The following PHACTR1 variants were observed in gnomAD, a reference collection of about 807,000 sequenced individuals.
PHACTR1 encodes RPEL repeat containing 1.
A neutral mutation model predicts 69.2 loss-of-function variants in PHACTR1; 16 were observed. The ratio of observed to expected loss-of-function variants is 0.23; its 90% confidence interval spans 0.16 to 0.35. The LOEUF (loss-of-function observed/expected upper bound fraction) is 0.35. PHACTR1 is among the 10% of genes least tolerant of loss of function. PHACTR1 has a pLI of 1.00. For missense variants in PHACTR1, 510 were observed against 734.7 expected (o/e 0.69, Z 3.54); for synonymous variants, 312 against 284.5 (o/e 1.10, Z -0.97).
intron 6 of PHACTR1, among the ~76,000 whole-genome samples, chr6:13,164,095 G>T (rs750673575): frequency 6.6e-6 from 1 of 151,654 alleles, no homozygotes; most frequent in East Asian, 1.9e-4. Context: ...AATGGCCTTC[G>T]TGTCAGTGTC....
rs975856762 is a variant in PHACTR1, at chr6:12,856,325, C to T, written c.250+106535C>T. ...CTGGAGTGCAGTGGCGCGATCTCGG[C>T]TTACTGCAAGCTCCGCCTCCCAGGC... On this transcript the variant is annotated intron_variant, in intron 4 of 14. Coordinates refer to ENST00000332995, the MANE Select transcript of PHACTR1 (RefSeq NM_030948.6). 1.5e-4 allele frequency among the ~76,000 whole-genome samples: 22 copies of T among 148,616 alleles called. No homozygotes were observed. In the East Asian group the frequency reaches 4.4e-3, roughly 29 times the overall value.
chr6:12,805,609 T>G (rs1774222593), intron 4 of PHACTR1, among the ~76,000 whole-genome samples: 2 of 151,830 alleles, frequency 1.3e-5, no homozygotes, highest in African/African-American at 4.8e-5. Flanking sequence ...CTTTCTTTCT[T>G]TCTTTTTTTT....
chr6:13,150,675 A>G (rs1824168276), intron 5 of PHACTR1, among the ~76,000 whole-genome samples: 1 of 152,042 alleles, frequency 6.6e-6, no homozygotes, highest in Non-Finnish European at 1.5e-5. Context: ...TTATTTTCTC[A>G]TTAACTTCCT....
chr6:13,158,497 A>G (rs1448246493), intron 5 of PHACTR1, among the ~76,000 whole-genome samples: 2 of 152,192 alleles, frequency 1.3e-5, no homozygotes, highest in Admixed American at 1.3e-4. Context: ...TTCTAACCTA[A>G]CATTTATTTT....
intron 4 of PHACTR1, among the ~76,000 whole-genome samples, chr6:12,765,045 G>T (rs1460797116): frequency 1.3e-5 from 2 of 152,164 alleles, no homozygotes; most frequent in Non-Finnish European, 2.9e-5. Flanking sequence ...TCATATTTCA[G>T]AGTTATTAGA....
At chr6:13,284,565 T>TAG (rs1486231778) in intron 13 of PHACTR1, among the ~76,000 whole-genome samples, 7 of 111,700 alleles carry the variant, frequency 6.3e-5, no homozygotes, top group African/African-American at 1.8e-4. Flanking sequence ...TATATATATA[T>TAG]ATATAGATAC....
chr6:13,273,035 C>A, intron 11 of PHACTR1, 120 bp downstream of exon 11: 1 of 1,406,588 alleles, frequency 7.1e-7, no homozygotes, highest in Non-Finnish European at 9.7e-7. Context: ...ACCTTTCTAA[C>A]GGTTGAAGCT....
chr6:13,278,239 TA>T (rs773641490), intron 11 of PHACTR1, 28 bp from the exon 12 acceptor site: 7 of 1,557,028 alleles, frequency 4.5e-6, no homozygotes, highest in African/African-American at 2.7e-5. Flanking sequence ...TTTACTGAAA[TA>T]AAAAAACATC....
chr6:12,730,050 A>G (rs1763296723), intron 3 of PHACTR1, among the ~76,000 whole-genome samples: 1 of 152,188 alleles, frequency 6.6e-6, no homozygotes, highest in South Asian at 2.1e-4. Context: ...TGGAGATCCT[A>G]TGGAACAGCC....
intron 5 of PHACTR1, among the ~76,000 whole-genome samples, chr6:13,070,720 T>C (rs768111858): frequency 2.6e-5 from 4 of 152,094 alleles, no homozygotes; most frequent in African/African-American, 4.8e-5. Context: ...ACAGAAACGA[T>C]TGGAAATAGG....
intron 10 of PHACTR1, chr6:13,252,967 G>A (rs1261756059): frequency 4.8e-6 from 2 of 417,718 alleles, no homozygotes; most frequent in Non-Finnish European, 5.0e-6. Flanking sequence ...TAAATAGCAT[G>A]AGATCTCATC....
At chr6:13,007,658 C>CT (rs55855505) in intron 4 of PHACTR1, among the ~76,000 whole-genome samples, 3 of 111,604 alleles carry the variant, frequency 2.7e-5, no homozygotes, top group South Asian at 3.1e-4. Flanking sequence ...TTTGGAGATC[C>CT]TTTTTTTTTT....
At chr6:12,789,097 G>A (rs961067280) in intron 4 of PHACTR1, among the ~76,000 whole-genome samples, 5 of 152,130 alleles carry the variant, frequency 3.3e-5, no homozygotes, top group Non-Finnish European at 5.9e-5. Flanking sequence ...CTCTGCTCTC[G>A]TTTCCTCTTG....
intron 4 of PHACTR1, among the ~76,000 whole-genome samples, chr6:12,962,706 G>A (rs138246102): frequency 6.6e-6 from 1 of 152,332 alleles, no homozygotes; most frequent in African/African-American, 2.4e-5. Flanking sequence ...TGTGGTGACA[G>A]CTGTTCTTGG....
rs1411189197 is a variant in PHACTR1, at chr6:13,245,920, G to A, written c.1391+15727G>A. Among the ~76,000 whole-genome samples, 1 of 152,136 alleles carries A rather than the reference G, an allele frequency of 6.6e-6. No homozygotes were observed. The highest frequency in any genetic ancestry group is 1.5e-5 in the Non-Finnish European group (1 of 68,026). On this transcript the variant is annotated intron_variant, in intron 10 of 14. Transcript: ENST00000332995. The surrounding 1 kb of genome is among the most constrained non-coding windows in gnomAD (Gnocchi z 4.1). ...GAGTTTCTTCACCCACTTCACAACTGTATCATTAGGATCTCAGAGTGTAAT... is the reference window on the plus strand; with the variant it reads ...GAGTTTCTTCACCCACTTCACAACTATATCATTAGGATCTCAGAGTGTAAT...
At chr6:12,952,094 G>A (rs1246012127) in intron 4 of PHACTR1, among the ~76,000 whole-genome samples, 1 of 152,170 alleles carries the variant, frequency 6.6e-6, no homozygotes, top group African/African-American at 2.4e-5. Context: ...ATGTGCTTTA[G>A]AGCAGTTTTA....
At chr6:13,257,261 C>T (rs1775310258) in intron 10 of PHACTR1, among the ~76,000 whole-genome samples, 1 of 152,178 alleles carries the variant, frequency 6.6e-6, no homozygotes, top group South Asian at 2.1e-4. Flanking sequence ...AGGAGAACAG[C>T]ACCAAGGGAA....
chr6:12,944,754 A>T (rs865799680), intron 4 of PHACTR1, among the ~76,000 whole-genome samples: 4 of 147,664 alleles, frequency 2.7e-5, no homozygotes, highest in Non-Finnish European at 5.9e-5. Context: ...CACCTTTTGA[A>T]TTATTTATTT....
intron 6 of PHACTR1, 34 bp from the exon 7 acceptor site, chr6:13,182,485 G>A (rs758489429): frequency 2.5e-6 from 4 of 1,607,116 alleles, no homozygotes; most frequent in East Asian, 4.5e-5. Context: ...GGCAGACATT[G>A]TCTAACTCTG....
Sources: allele counts gnomAD v4.1 joint callset (sites outside exome capture counted in the v4.1 genomes callset), GRCh38; gene constraint gnomAD v4.1.1; non-coding constraint Gnocchi (gnomAD v3.1); transcripts MANE v1.5; gene names NCBI Gene and HGNC (gene_info 2026-07-23, HGNC 2026-07-21).